The following ZNF385D variants were observed in gnomAD, a reference collection of about 807,000 sequenced individuals.
ZNF385D encodes the protein zinc finger protein 659.
Under a neutral mutation model 35.8 loss-of-function variants are expected in ZNF385D, and 15 were observed. The ratio of observed to expected loss-of-function variants is 0.42; its 90% confidence interval spans 0.28 to 0.64. The LOEUF (loss-of-function observed/expected upper bound fraction) is 0.64, where lower values mean the gene tolerates loss of function less well. Ranked by LOEUF, ZNF385D falls within the 30% of genes least tolerant of loss-of-function variation. The pLI is 0.23. For synonymous variants in ZNF385D, 212 were observed against 186.8 expected, an observed-to-expected ratio of 1.13 and a Z score of -1.10; for missense variants, 474 against 494.6, an observed-to-expected ratio of 0.96 and a Z score of 0.39.
At chr3:21,565,149 T>TTAGAC (rs1207701144) in intron 2 of ZNF385D, among the ~76,000 whole-genome samples, 2 of 152,076 alleles carry the variant, frequency 1.3e-5, no homozygotes, top group Admixed American at 6.6e-5. Flanking sequence ...TTGGTATCTT[T>TTAGAC]TAGACTCTAT....
intron 2 of ZNF385D, among the ~76,000 whole-genome samples, chr3:22,219,566 C>T (rs185044137): frequency 6.6e-6 from 1 of 152,186 alleles, no homozygotes; most frequent in Admixed American, 6.5e-5. Flanking sequence ...TTAAATAGTA[C>T]TGTAGGTCCC....
chr3:22,167,448 T>A (rs544583349), intron 3 of ZNF385D, among the ~76,000 whole-genome samples: 39 of 152,322 alleles, frequency 2.6e-4, no homozygotes, highest in African/African-American at 8.7e-4. Context: ...AGGTGTTCCA[T>A]TGCTCAATAA....
intron 2 of ZNF385D, among the ~76,000 whole-genome samples, chr3:22,341,803 C>A (rs114040197): frequency 6.6e-6 from 1 of 152,236 alleles, no homozygotes; most frequent in Non-Finnish European, 1.5e-5. Context: ...ATCTCCCAAG[C>A]TATTAATGCA....
intron 2 of ZNF385D, among the ~76,000 whole-genome samples, chr3:22,326,471 T>A (rs1694684237): frequency 6.6e-6 from 1 of 152,186 alleles, no homozygotes; most frequent in Admixed American, 6.5e-5. Flanking sequence ...TTATTTCGCA[T>A]GCCTTGAGGA....
chr3:22,370,519 C>T (rs966354688), intron 2 of ZNF385D, among the ~76,000 whole-genome samples: 1 of 148,088 alleles, frequency 6.8e-6, no homozygotes, highest in African/African-American at 2.7e-5. Context: ...GGGTATGAAT[C>T]AATCTATGGT....
intron 3 of ZNF385D, among the ~76,000 whole-genome samples, chr3:21,950,041 G>A (rs1237711693): frequency 6.6e-6 from 1 of 152,116 alleles, no homozygotes; most frequent in Non-Finnish European, 1.5e-5. Flanking sequence ...CTTTATAGTA[G>A]AATGATTTAT....
chr3:22,083,351 T>C (rs1700858005), intron 3 of ZNF385D, among the ~76,000 whole-genome samples: 1 of 152,092 alleles, frequency 6.6e-6, no homozygotes, highest in Non-Finnish European at 1.5e-5. Flanking sequence ...AGTAGACCAA[T>C]GGCTAGCTAG....
At chr3:22,181,066 C>G (rs1695236116) in intron 2 of ZNF385D, among the ~76,000 whole-genome samples, 1 of 151,730 alleles carries the variant, frequency 6.6e-6, no homozygotes, top group Non-Finnish European at 1.5e-5. Flanking sequence ...CATGCCTAGT[C>G]TTTTTGTAAT....
At chr3:21,649,417 G>A (rs2065850212) in intron 2 of ZNF385D, among the ~76,000 whole-genome samples, 2 of 152,060 alleles carry the variant, frequency 1.3e-5, no homozygotes, top group African/African-American at 4.8e-5. Flanking sequence ...TATTTAGCAG[G>A]ATGACATCAT....
At chr3:21,450,705 G>A (rs757156430) in intron 4 of ZNF385D, among the ~76,000 whole-genome samples, 1 of 152,126 alleles carries the variant, frequency 6.6e-6, no homozygotes, top group Non-Finnish European at 1.5e-5. Flanking sequence ...AAGTGTTGGA[G>A]GAATTCTTGA....
At chr3:22,087,580 T>C (rs536067074) in intron 3 of ZNF385D, among the ~76,000 whole-genome samples, 1 of 152,270 alleles carries the variant, frequency 6.6e-6, no homozygotes, top group African/African-American at 2.4e-5. Flanking sequence ...AATTAGTTAT[T>C]AGTAACGATT....
intron 1 of ZNF385D, among the ~76,000 whole-genome samples, chr3:21,695,751 T>C (rs922943830): frequency 1.4e-4 from 21 of 145,908 alleles, no homozygotes; most frequent in African/African-American, 4.7e-4. Context: ...TGCTGTTAAA[T>C]ATATATTATA....
chr3:21,767,388 C>T (rs1164766741), intron 3 of ZNF385D, among the ~76,000 whole-genome samples: 5 of 151,442 alleles, frequency 3.3e-5, no homozygotes, highest in African/African-American at 1.2e-4. Flanking sequence ...CTTTTTTTTC[C>T]AAGATTGAAC....
chr3:22,362,852 G>A (rs1312848668), intron 2 of ZNF385D, among the ~76,000 whole-genome samples: 1 of 151,992 alleles, frequency 6.6e-6, no homozygotes, highest in Non-Finnish European at 1.5e-5. Context: ...TGTCTACCAG[G>A]CAGCAGAATT....
At chr3:22,048,814 G>A (rs1414621025) in intron 3 of ZNF385D, among the ~76,000 whole-genome samples, 1 of 152,102 alleles carries the variant, frequency 6.6e-6, no homozygotes, top group African/African-American at 2.4e-5. Context: ...TGATTGCATG[G>A]AATTAGTAGA....
intron 3 of ZNF385D, among the ~76,000 whole-genome samples, chr3:21,792,740 T>C (rs1048899926): frequency 1.3e-5 from 2 of 152,176 alleles, no homozygotes; most frequent in African/African-American, 4.8e-5. Context: ...AGAGGACCCT[T>C]ACTCCCAATT....
At chr3:21,603,670 A>G (rs1161038291) in intron 2 of ZNF385D, among the ~76,000 whole-genome samples, 3 of 152,234 alleles carry the variant, frequency 2.0e-5, no homozygotes, top group Non-Finnish European at 2.9e-5. Flanking sequence ...CCTTATATAC[A>G]TTAAAATTAT....
At chr3:21,953,099 A>C (rs1404158619) in intron 3 of ZNF385D, among the ~76,000 whole-genome samples, 1 of 151,808 alleles carries the variant, frequency 6.6e-6, no homozygotes, top group Non-Finnish European at 1.5e-5. Flanking sequence ...AAACCTGAGT[A>C]CTCTACAGTA....
At chr3:21,557,069 T>C (rs2062767416) in intron 3 of ZNF385D, among the ~76,000 whole-genome samples, 1 of 152,198 alleles carries the variant, frequency 6.6e-6, no homozygotes, top group African/African-American at 2.4e-5. Flanking sequence ...GATGTTGGGC[T>C]GAGACAATTG....
Sources: gnomAD v4.1 joint callset for allele counts (sites outside exome capture counted in the v4.1 genomes callset) on GRCh38, gnomAD v4.1.1 for gene constraint, MANE v1.5 for transcripts, NCBI Gene and HGNC (gene_info 2026-07-23, HGNC 2026-07-21) for gene names.